KRT12: variants seen among roughly 807,000 people sequenced by gnomAD.
KRT12 encodes keratin 12, also known as keratin, type I cytoskeletal 12.
In KRT12, 43 loss-of-function variants were observed where a neutral mutation model predicts 50.2. That is an observed-to-expected ratio of 0.86 (90% CI 0.67 to 1.11). KRT12 has a LOEUF of 1.11. KRT12 is among the 50% of genes least tolerant of loss of function. KRT12 has a pLI of 0.00. For missense variants in KRT12, 588 were observed against 625.6 expected (o/e 0.94, Z 0.64); for synonymous variants, 257 against 253.6 (o/e 1.01, Z -0.13).
In KRT12 at chr17:40,863,012, C is replaced by G; in HGVS notation, c.1316+111G>C. On this transcript the variant is annotated intron_variant, in intron 6 of 7. Coordinates refer to ENST00000251643, the MANE Select transcript of KRT12 (RefSeq NM_000223.4). The surrounding 1 kb of genome is among the most constrained non-coding windows in gnomAD (Gnocchi z 4.2). ...AAATCCCAGGCATATCTTTACTAGA[C>G]TTGTGTTTGTTTGTTTGCTTTTCTG... 1 of 928,006 alleles carries G rather than the reference C, an allele frequency of 1.1e-6. No individual in the cohort carries two copies. The highest frequency in any genetic ancestry group is 1.7e-6 in the Non-Finnish European group (1 of 578,552). 57.5% of individuals were successfully genotyped at this position (928,006 alleles called of 1,614,324 possible). A position where few individuals can be genotyped will look rare whatever the true frequency, so the allele number is the denominator to read the frequency against.
At position 40,866,988 on chromosome 17, in the gene KRT12, A is replaced by C; in HGVS notation, c.199T>G (p.Ser67Ala). ...CTTCCGGAGCCACCCCCAAAGCCGGAACTAGAACCAAACATGGAAGCAGCA... is the reference window on the plus strand; with the variant it reads ...CTTCCGGAGCCACCCCCAAAGCCGGCACTAGAACCAAACATGGAAGCAGCA... Reference protein sequence around the residue: ...FSAASMFGSSSGFGGGSGSSM... With the variant: ...FSAASMFGSSAGFGGGSGSSM... The change falls in exon 1 of 8, where the codon TCC (serine) becomes GCC (alanine). Residue 67 changes from serine (S) to alanine (A), a missense_variant. Physicochemically the swap from Ser to Ala is moderately conservative, Grantham distance 99 (BLOSUM62 1). Coordinates refer to ENST00000251643, the MANE Select transcript of KRT12 (RefSeq NM_000223.4). 1 of 1,597,752 alleles carries C rather than the reference A, an allele frequency of 6.3e-7. No individual in the cohort carries two copies. The highest frequency in any genetic ancestry group is 8.5e-7 in the Non-Finnish European group (1 of 1,172,596).
In KRT12 at chr17:40,866,750, A is replaced by T; in HGVS notation, c.437T>A (p.Leu146Gln). The change falls in exon 1 of 8, where the codon CTA (leucine) becomes CAA (glutamine). Residue 146 changes from leucine (L) to glutamine (Q), a missense_variant. Transcript: ENST00000251643. ...TTCTAGCTCAGTATTAGCCTCTTCT[A>T]GAGCTCGCACCTTATCCAGGTAGGA... is the stretch of plus-strand genomic sequence containing the variant. ...LASYLDKVRA[L>Q]EEANTELENK... 3 of 1,614,202 alleles carry T rather than the reference A, an allele frequency of 1.9e-6. No homozygotes were observed. The highest frequency in any genetic ancestry group is 2.5e-6 in the Non-Finnish European group (3 of 1,180,030).
At chr17:40,865,016 G>A in intron 2 of KRT12, 54 bp from the exon 3 acceptor site, 1 of 1,580,558 alleles carries the variant, frequency 6.3e-7, no homozygotes, top group East Asian at 2.2e-5. Context: ...TTTGAACAAG[G>A]CCACTGATCT....
In KRT12 at chr17:40,866,166, G is replaced by A. The variant is rs369049373; in HGVS notation, c.639C>T (p.Asp213=). Residue 213 remains aspartate, a synonymous_variant, in exon 2 of 8, where the codon GAC becomes GAT. Transcript: ENST00000251643. ...QIDNARLAAE[D]FRMKYENELA... is the part of the protein sequence containing the mutation. Reference sequence around the variant, plus strand: ...TTTATTCGACTCACTTCATCCTGAAGTCCTCAGCAGCTAGTCTCGCATTGT... The same window carrying A: ...TTTATTCGACTCACTTCATCCTGAAATCCTCAGCAGCTAGTCTCGCATTGT... 9.9e-6 allele frequency: 16 copies of A among 1,613,626 alleles called. No homozygotes were observed. Among genetic ancestry groups the A allele is most frequent in the African/African-American group, 1.3e-5 (1 of 74,904 alleles).
At chr17:40,864,501 T>C (rs1358167261) in intron 3 of KRT12, among the ~76,000 whole-genome samples, 2 of 152,180 alleles carry the variant, frequency 1.3e-5, no homozygotes, top group African/African-American at 4.8e-5. Context: ...CTTTTTAAAA[T>C]CACTGAATTA....
Position 40,863,813 on chromosome 17 carries a change from C to G in KRT12, c.859G>C (p.Asp287His). 6.2e-7 allele frequency: 1 copy of G among 1,612,172 alleles called. No individual in the cohort carries two copies. The change falls in exon 4 of 8, where the codon GAC (aspartate) becomes CAC (histidine). Residue 287 changes from aspartate (D) to histidine (H), a missense_variant. Asp to His is a moderately conservative substitution (Grantham distance 81). Coordinates refer to ENST00000251643, the MANE Select transcript of KRT12 (RefSeq NM_000223.4). This position sits in a 1 kb window ranked among gnomAD's most constrained non-coding sequence, Gnocchi z 4.2. ...GTGAGGTCCACTCCGGGGGCAGCGTCCATTTCTACGCTGACCTCGCCTGGG... is the reference window on the plus strand; with the variant it reads ...GTGAGGTCCACTCCGGGGGCAGCGTGCATTTCTACGCTGACCTCGCCTGGG... ...GGPGEVSVEM[D>H]AAPGVDLTRL... is the part of the protein sequence containing the mutation.
At position 40,864,851 on chromosome 17, in the gene KRT12, CT is replaced by C; in HGVS notation, c.761del (p.Glu254GlyfsTer3). ...TGTAGGCCAGCTCCTCGTTCAGGCT[CT>C]CGATCTGCATCTCCAGGTCGGTCCT... ...LTRTDLEMQI[E>X]SLNEELAYMK... is the part of the protein sequence containing the mutation. On this transcript the variant is annotated frameshift_variant, in exon 3 of 8. Transcript: ENST00000251643. LOFTEE classifies it high-confidence loss of function. 2 of 1,614,240 alleles carry C rather than the reference CT, an allele frequency of 1.2e-6. No homozygotes were observed. Among genetic ancestry groups the C allele is most frequent in the Non-Finnish European group, 1.7e-6 (2 of 1,180,040 alleles).
intron 1 of KRT12, 122 bp from the exon 2 acceptor site, chr17:40,866,359 C>T (rs1361149969): frequency 2.4e-6 from 2 of 829,400 alleles, no homozygotes; most frequent in African/African-American, 1.7e-5. Flanking sequence ...GAGTTTAAGA[C>T]AGTTTCATTT....
In KRT12 at chr17:40,866,131, T is replaced by C. The variant is rs775799267; in HGVS notation, c.650+24A>G. ...CAGAAGACATGGTGGGACACGCCCA[T>C]GATCTTCAGTTTATTCGACTCACTT... On this transcript the variant is annotated intron_variant, in intron 2 of 7. Transcript: ENST00000251643. The C allele has an allele frequency of 7.6e-6, 12 of 1,573,820 alleles. No homozygotes were observed. In the Middle Eastern group the frequency reaches 6.7e-4, roughly 87 times the overall value.
chr17:40,864,607 A>G (rs1209703999), intron 3 of KRT12, among the ~76,000 whole-genome samples, 199 bp downstream of exon 3: 1 of 152,014 alleles, frequency 6.6e-6, no homozygotes. Flanking sequence ...AACCACCATC[A>G]CTACTACCAA....
chr17:40,866,314 G>T, intron 1 of KRT12, 77 bp from the exon 2 acceptor site: 2 of 1,099,408 alleles, frequency 1.8e-6, no homozygotes, highest in Non-Finnish European at 2.7e-6. Flanking sequence ...TTGACACAAA[G>T]GTGAAAATGG....
At position 40,863,389 on chromosome 17, in the gene KRT12, C is replaced by A; in HGVS notation, c.1096-46G>T. 1 of 1,613,124 alleles carries A rather than the reference C, an allele frequency of 6.2e-7. No individual in the cohort carries two copies. Among genetic ancestry groups the A allele is most frequent in the Non-Finnish European group, 8.5e-7 (1 of 1,179,236 alleles). On this transcript the variant is annotated intron_variant, in intron 5 of 7. Transcript: ENST00000251643. The surrounding 1 kb of genome is among the most constrained non-coding windows in gnomAD (Gnocchi z 4.2). ...GCATAGAAATAACGATGGAGGGGAC[C>A]GAAAAGAGGAGGGTAGCCAACGGCT...
rs1305542803 is a variant in KRT12, at chr17:40,863,747, C to G, written c.925G>C (p.Ala309Pro). The G allele has an allele frequency of 1.2e-6, 2 of 1,613,560 alleles. No homozygotes were observed. Among genetic ancestry groups the G allele is most frequent in the South Asian group, 1.1e-5 (1 of 91,060 alleles). Reference protein sequence around the residue: ...NDMRAQYETIAEQNRKDAEAW... With the variant: ...NDMRAQYETIPEQNRKDAEAW... ...TCAGCGTCCTTCCGATTCTGCTCAGCGATGGTTTCATACTGCGCCCGCATA... is the reference window on the plus strand; with the variant it reads ...TCAGCGTCCTTCCGATTCTGCTCAGGGATGGTTTCATACTGCGCCCGCATA... The change falls in exon 4 of 8, where the codon GCT (alanine) becomes CCT (proline). Residue 309 changes from alanine to proline, a missense_variant. Coordinates refer to ENST00000251643, the MANE Select transcript of KRT12 (RefSeq NM_000223.4). This position sits in a 1 kb window ranked among gnomAD's most constrained non-coding sequence, Gnocchi z 4.2.
intron 2 of KRT12, among the ~76,000 whole-genome samples, chr17:40,865,269 T>C (rs556490676): frequency 1.8e-4 from 28 of 152,302 alleles, no homozygotes; most frequent in African/African-American, 6.5e-4. Context: ...TGGCTGTAAA[T>C]AGCAGCAGCC....
Position 40,864,939 on chromosome 17 carries a change from C to A in KRT12, c.674G>T (p.Arg225Leu). ...ATTGATGTCGGCCTCTACGCCCTGG[C>A]GCAGGGCCAGTTCATTCTCATACCT... Reference protein sequence around the residue: ...RMKYENELALRQGVEADINGL... With the variant: ...RMKYENELALLQGVEADINGL... The change falls in exon 3 of 8, where the codon CGC becomes CTC. Residue 225 changes from arginine (R) to leucine (L), a missense_variant. Transcript: ENST00000251643. 1 of 1,614,218 alleles carries A rather than the reference C, an allele frequency of 6.2e-7. No homozygotes were observed. The highest frequency in any genetic ancestry group is 8.5e-7 in the Non-Finnish European group (1 of 1,180,042).
chr17:40,865,101 C>A, intron 2 of KRT12, 139 bp from the exon 3 acceptor site: 1 of 936,158 alleles, frequency 1.1e-6, no homozygotes, highest in South Asian at 1.4e-5. Flanking sequence ...GCAGTTTTTG[C>A]TGTTGTGTTT....
At position 40,867,092 on chromosome 17, in the gene KRT12, C is replaced by T. The variant is rs774365265; in HGVS notation, c.95G>A (p.Gly32Asp). ...ACTTCCAACACTGGAAGCAGACATGCCCCTGGGTCTGCCTATCACACTCTG... is the reference window on the plus strand; with the variant it reads ...ACTTCCAACACTGGAAGCAGACATGTCCCTGGGTCTGCCTATCACACTCTG... Reference protein sequence around the residue: ...SSQSVIGRPRGMSASSVGSGY... With the variant: ...SSQSVIGRPRDMSASSVGSGY... The change falls in exon 1 of 8, where the codon GGC becomes GAC. Residue 32 changes from glycine to aspartate, a missense_variant. Physicochemically the swap from Gly to Asp is moderately conservative, Grantham distance 94. Transcript: ENST00000251643. 2 of 1,613,892 alleles carry T rather than the reference C, an allele frequency of 1.2e-6. No individual in the cohort carries two copies. Among genetic ancestry groups the T allele is most frequent in the Non-Finnish European group, 1.7e-6 (2 of 1,179,898 alleles).
intron 2 of KRT12, among the ~76,000 whole-genome samples, chr17:40,865,691 G>A (rs898814619): frequency 1.3e-5 from 2 of 152,034 alleles, no homozygotes; most frequent in South Asian, 2.1e-4. Context: ...AGCTGGGCAC[G>A]GTGGCAGCCG....
In KRT12 at chr17:40,867,040, A is replaced by G; in HGVS notation, c.147T>C (p.Phe49=). 6.2e-7 allele frequency: 1 copy of G among 1,604,736 alleles called. No individual in the cohort carries two copies. The highest frequency in any genetic ancestry group is 8.5e-7 in the Non-Finnish European group (1 of 1,174,782). ...AAAAGCCTCCCCCACAGCTGGCTCC[A>G]AAGCCAAAGGCACTTCCCCCATAAC... ...GSGYGGSAFG[F]GASCGGGFSA... Residue 49 remains phenylalanine (F), a synonymous_variant, in exon 1 of 8, where the codon TTT becomes TTC. Transcript: ENST00000251643.
Sources: allele counts gnomAD v4.1 joint callset (sites outside exome capture counted in the v4.1 genomes callset), GRCh38; gene constraint gnomAD v4.1.1; non-coding constraint Gnocchi (gnomAD v3.1); transcripts MANE v1.5; gene names NCBI Gene and HGNC (gene_info 2026-07-23, HGNC 2026-07-21).